Variants in FAAP20 observed in about 807,000 individuals in gnomAD.
The protein encoded by FAAP20 is FA core complex associated protein 20.
In FAAP20, 12 loss-of-function variants were observed where a neutral mutation model predicts 16.2. The ratio of observed to expected loss-of-function variants is 0.74; its 90% CI spans 0.48 to 1.20. The LOEUF (loss-of-function observed/expected upper bound fraction) is 1.20. Among genes scored for constraint, FAAP20 ranks in the 50% most tolerant of loss-of-function variants. FAAP20 has a pLI of 0.00. For synonymous variants in FAAP20, 141 were observed against 110.7 expected, an observed-to-expected ratio of 1.27 and a Z score of -1.72; for missense variants, 288 against 245.8, an observed-to-expected ratio of 1.17 and a Z score of -1.15.
chr1:2,199,557 G>C (rs1397049548), upstream of FAAP20: 1 of 985,916 alleles, frequency 1.0e-6, no homozygotes, highest in Non-Finnish European at 1.2e-6. The surrounding 1 kb of genome is among the most constrained non-coding windows in gnomAD (Gnocchi z 4.5). Context: ...AGCCGGTCAG[G>C]GAGTGGAGAC....
At chr1:2,201,550 CA>C (rs1247913652), upstream of FAAP20, among the ~76,000 whole-genome samples, 3 of 152,040 alleles carry the variant, frequency 2.0e-5, no homozygotes, top group Non-Finnish European at 4.4e-5. Flanking sequence ...GGTAAAACCC[CA>C]TCTCTACTAA....
chr1:2,187,736 C>T (rs1175574050), downstream of FAAP20, among the ~76,000 whole-genome samples: 1 of 152,140 alleles, frequency 6.6e-6, no homozygotes, highest in African/African-American at 2.4e-5. Flanking sequence ...CACCACAGGA[C>T]ACGCTGCTCA....
downstream of FAAP20, chr1:2,184,536 G>T: frequency 6.9e-7 from 1 of 1,448,880 alleles, no homozygotes; most frequent in Non-Finnish European, 9.6e-7. Context: ...AATCTGGTAG[G>T]GATGATGCCC....
downstream of FAAP20, chr1:2,184,883 C>A: frequency 6.4e-7 from 1 of 1,557,030 alleles, no homozygotes; most frequent in East Asian, 2.3e-5. Context: ...GGAATGAACA[C>A]ACGGTCACCC....
chr1:2,207,917 T>C (rs413726), downstream of FAAP20, among the ~76,000 whole-genome samples: 254 of 47,108 alleles, frequency 5.4e-3, 3 homozygotes, highest in African/African-American at 0.033. Flanking sequence ...CCCGTGTGTG[T>C]GTGTGTGTGT....
upstream of FAAP20, among the ~76,000 whole-genome samples, chr1:2,195,542 G>A (rs973787584): frequency 1.3e-5 from 2 of 152,232 alleles, no homozygotes; most frequent in Non-Finnish European, 2.9e-5. Flanking sequence ...CAGGGCTCTG[G>A]GACTCCTTGG....
At chr1:2,200,677 C>T, upstream of FAAP20, 1 of 986,942 alleles carries the variant, frequency 1.0e-6, no homozygotes, top group Non-Finnish European at 1.2e-6. Context: ...CAGCAGGCTC[C>T]CGGCTTTCCA....
At chr1:2,208,414 C>T (rs1689345412), downstream of FAAP20, among the ~76,000 whole-genome samples, 3 of 152,208 alleles carry the variant, frequency 2.0e-5, no homozygotes, top group Admixed American at 2.0e-4. Flanking sequence ...TTGTTGTTAA[C>T]TTCTCCCCTG....
upstream of FAAP20, among the ~76,000 whole-genome samples, chr1:2,196,242 C>T (rs1557786457): frequency 6.6e-6 from 1 of 152,176 alleles, no homozygotes; most frequent in Non-Finnish European, 1.5e-5. The surrounding 1 kb of genome is among the most constrained non-coding windows in gnomAD (Gnocchi z 4.5). Context: ...TGGGTACTTC[C>T]AGGAAGACTG....
chr1:2,211,435 ATTTTTTTTT>A (rs1164460550), downstream of FAAP20, among the ~76,000 whole-genome samples: 7 of 8,558 alleles, frequency 8.2e-4, no homozygotes, highest in Admixed American at 2.9e-3. Flanking sequence ...ATATATATAT[ATTTTTTTTT>A]TTTTTTTTTT....
At position 2,194,674 on chromosome 1, in the gene FAAP20, G is replaced by A; in HGVS notation, c.62+14C>T. Reference sequence around the variant, plus strand: ...GGAAAACCGGCCGCGCCCCCGCCCGGCTCCCGGCCTCACCCGCCCGCCGGG... The same window carrying A: ...GGAAAACCGGCCGCGCCCCCGCCCGACTCCCGGCCTCACCCGCCCGCCGGG... On this transcript the variant is annotated intron_variant, in intron 1 of 3. Coordinates refer to ENST00000378546, the MANE Select transcript of FAAP20 (RefSeq NM_182533.4). 3 of 1,143,078 alleles carry A rather than the reference G, an allele frequency of 2.6e-6. No individual in the cohort carries two copies. The highest frequency in any genetic ancestry group is 8.4e-5 in the South Asian group (2 of 23,880). 70.8% of individuals were successfully genotyped at this position (1,143,078 alleles called of 1,614,324 possible).
At chr1:2,190,804 T>C (rs1426166084) in intron 3 of FAAP20, 2 of 233,882 alleles carry the variant, frequency 8.6e-6, no homozygotes, top group East Asian at 2.0e-4. Flanking sequence ...TGTCCCTGTG[T>C]CCACCTGTCA....
chr1:2,193,437 A>C (rs1688477392), intron 3 of FAAP20: 1 of 789,742 alleles, frequency 1.3e-6, no homozygotes, highest in Non-Finnish European at 1.9e-6. Context: ...CCCTGCCCAC[A>C]GAGCACGGCA....
At chr1:2,198,733 C>T (rs1367195337), upstream of FAAP20, 28 of 1,279,900 alleles carry the variant, frequency 2.2e-5, no homozygotes, top group African/African-American at 2.0e-4. Flanking sequence ...CACCCACACA[C>T]GGTGCCCTGG....
upstream of FAAP20, among the ~76,000 whole-genome samples, chr1:2,202,457 T>A (rs1309563352): frequency 1.3e-5 from 2 of 151,974 alleles, no homozygotes; most frequent in Non-Finnish European, 2.9e-5. Flanking sequence ...TCAACACCTC[T>A]TTATTTTTAT....
chr1:2,189,927 C>CATG lies in FAAP20; in HGVS notation c.471-147_471-146insCAT. ...ACAAGGGACGGGGCCACCCCAGGGG[C>CATG]TCATGCACCCGGCAGACCACGGTAA... On this transcript the variant is annotated intron_variant, in intron 3 of 3. Coordinates refer to ENST00000378546, the MANE Select transcript of FAAP20 (RefSeq NM_182533.4). The CATG allele has an allele frequency of 4.4e-6, 3 of 686,830 alleles. No homozygotes were observed. The South Asian group carries it at 4.8e-5, about 11-fold the overall frequency. 42.5% of individuals were successfully genotyped at this position (686,830 alleles called of 1,614,324 possible). A position where few individuals can be genotyped will look rare whatever the true frequency, so the allele number is the denominator to read the frequency against.
chr1:2,209,346 T>G (rs980759962), downstream of FAAP20, among the ~76,000 whole-genome samples: 4 of 152,228 alleles, frequency 2.6e-5, no homozygotes, highest in Non-Finnish European at 5.9e-5. Flanking sequence ...CGTCTATTCC[T>G]TTTAAGAACA....
upstream of FAAP20, chr1:2,203,758 C>A: frequency 1.9e-6 from 1 of 524,452 alleles, no homozygotes; most frequent in Non-Finnish European, 2.4e-6. Context: ...ACACTACTTG[C>A]CTCCAGGGAC....
chr1:2,186,505 CG>C (rs1015352279), downstream of FAAP20, among the ~76,000 whole-genome samples: 39 of 149,912 alleles, frequency 2.6e-4, 5 homozygotes, highest in South Asian at 3.3e-3. Flanking sequence ...CGCCCCCCCC[CG>C]GCCAGCTCAG....
Sources: allele counts gnomAD v4.1 joint callset (sites outside exome capture counted in the v4.1 genomes callset), GRCh38; gene constraint gnomAD v4.1.1; non-coding constraint Gnocchi (gnomAD v3.1); transcripts MANE v1.5; gene names NCBI Gene and HGNC (gene_info 2026-07-23, HGNC 2026-07-21).